LHFPL6: variants seen among roughly 807,000 people sequenced by gnomAD.
LHFPL6 encodes LHFPL tetraspan subfamily member 6.
LHFPL6 carries 9 observed loss-of-function variants against 20.6 expected under a neutral mutation model. That is an observed-to-expected ratio of 0.44 (90% CI 0.26 to 0.76). LHFPL6 has a LOEUF of 0.76. Among genes scored for constraint, LHFPL6 ranks in the 30% least tolerant of loss-of-function variants. The pLI is 0.20. For missense variants in LHFPL6, 218 were observed against 253.5 expected (o/e 0.86, Z 0.95); for synonymous variants, 105 against 98.7 (o/e 1.06, Z -0.38).
At chr13:39,374,130 G>A (rs1575520) in intron 3 of LHFPL6, among the ~76,000 whole-genome samples, 67,161 of 151,852 alleles carry the variant, frequency 0.44, 14,898 homozygotes, top group East Asian at 0.56. Context: ...TAACCTAGGT[G>A]TCCATCAATG....
intron 3 of LHFPL6, among the ~76,000 whole-genome samples, chr13:39,370,191 G>T (rs1195288224): frequency 6.6e-6 from 1 of 152,152 alleles, no homozygotes; most frequent in African/African-American, 2.4e-5. Flanking sequence ...TGTCATCACT[G>T]GCCAGGGTGG....
At chr13:39,400,782 CAAAAAAA>C (rs34833321) in intron 2 of LHFPL6, among the ~76,000 whole-genome samples, 23 of 53,494 alleles carry the variant, frequency 4.3e-4, no homozygotes, top group East Asian at 4.0e-3. Context: ...GACTCCGTCT[CAAAAAAA>C]AAAAAAAAAA....
intron 2 of LHFPL6, among the ~76,000 whole-genome samples, chr13:39,504,867 C>T (rs868163492): frequency 1.6e-4 from 25 of 152,060 alleles, no homozygotes; most frequent in African/African-American, 4.1e-4. Flanking sequence ...CTGCCAAAAC[C>T]GCAGAGGAAA....
chr13:39,452,730 A>C (rs1872483118), intron 2 of LHFPL6, among the ~76,000 whole-genome samples: 1 of 152,258 alleles, frequency 6.6e-6, no homozygotes, highest in Admixed American at 6.5e-5. Context: ...AGCTAAAGGA[A>C]GAGCCGCAAG....
intron 2 of LHFPL6, among the ~76,000 whole-genome samples, chr13:39,394,356 G>A (rs371676601): frequency 5.3e-5 from 8 of 152,266 alleles, no homozygotes; most frequent in Admixed American, 2.0e-4. Context: ...ACATTCTGAG[G>A]TACTGGGGAG....
At chr13:39,558,581 C>T (rs1397378705) in intron 2 of LHFPL6, among the ~76,000 whole-genome samples, 1 of 152,146 alleles carries the variant, frequency 6.6e-6, no homozygotes, top group African/African-American at 2.4e-5. Context: ...TACCAGATGA[C>T]ACGATGATGA....
chr13:39,355,872 C>G (rs1233895598), intron 3 of LHFPL6, among the ~76,000 whole-genome samples: 1 of 152,118 alleles, frequency 6.6e-6, no homozygotes, highest in Non-Finnish European at 1.5e-5. Context: ...CATTAGAGCA[C>G]CTCGATTAAT....
chr13:39,500,950 C>T (rs2018), intron 2 of LHFPL6, among the ~76,000 whole-genome samples: 47,202 of 151,946 alleles, frequency 0.31, 7,796 homozygotes, highest in Middle Eastern at 0.42. Context: ...TGGGCTCTAC[C>T]TCCACAATTT....
chr13:39,421,016 TGCTTTATCATTTCTGTTTTGCCAGGAAG>T (rs969760357), intron 2 of LHFPL6, among the ~76,000 whole-genome samples: 2 of 152,190 alleles, frequency 1.3e-5, no homozygotes, highest in Non-Finnish European at 2.9e-5. Flanking sequence ...AAAGGAGTTG[TGCTTTATCATTTCTGTTTTGCCAGGAAG>T]GCATTCTTAT....
chr13:39,390,107 A>T (rs1052041483), intron 2 of LHFPL6, among the ~76,000 whole-genome samples: 1 of 152,142 alleles, frequency 6.6e-6, no homozygotes. Context: ...TAAGGGTCTT[A>T]AGTAAATCAG....
intron 3 of LHFPL6, among the ~76,000 whole-genome samples, chr13:39,374,361 T>C (rs1217807525): frequency 6.6e-6 from 1 of 151,968 alleles, no homozygotes; most frequent in African/African-American, 2.4e-5. Context: ...TGGCCAACAA[T>C]AGACACTGGG....
intron 2 of LHFPL6, among the ~76,000 whole-genome samples, chr13:39,585,201 A>G (rs1872411190): frequency 6.6e-6 from 1 of 152,256 alleles, no homozygotes. Flanking sequence ...GAATACACAG[A>G]AACAACTAGG....
At chr13:39,529,982 C>T (rs1464203052) in intron 2 of LHFPL6, among the ~76,000 whole-genome samples, 1 of 152,172 alleles carries the variant, frequency 6.6e-6, no homozygotes, top group Non-Finnish European at 1.5e-5. Flanking sequence ...ATTAATTTAT[C>T]CAATCCAAAA....
intron 2 of LHFPL6, among the ~76,000 whole-genome samples, chr13:39,512,629 A>T (rs1042711929): frequency 6.6e-6 from 1 of 152,062 alleles, no homozygotes; most frequent in Non-Finnish European, 1.5e-5. Context: ...AAGAAAAAGA[A>T]ATCAGACCAA....
intron 2 of LHFPL6, among the ~76,000 whole-genome samples, chr13:39,424,925 T>A (rs1195938856): frequency 6.6e-6 from 1 of 152,160 alleles, no homozygotes; most frequent in African/African-American, 2.4e-5. Context: ...ACAAGCAACA[T>A]ATAATAAATG....
At chr13:39,585,220 G>A (rs1872411987) in intron 2 of LHFPL6, among the ~76,000 whole-genome samples, 1 of 152,202 alleles carries the variant, frequency 6.6e-6, no homozygotes, top group African/African-American at 2.4e-5. Flanking sequence ...GGAAATCCAT[G>A]CCTCATACAT....
At chr13:39,466,423 G>A (rs909129970) in intron 2 of LHFPL6, among the ~76,000 whole-genome samples, 1 of 152,182 alleles carries the variant, frequency 6.6e-6, no homozygotes, top group African/African-American at 2.4e-5. Flanking sequence ...CATGTTGTGA[G>A]AAAATCAGGG....
chr13:39,589,022 TG>T (rs1423634650), intron 2 of LHFPL6, among the ~76,000 whole-genome samples: 2 of 152,262 alleles, frequency 1.3e-5, no homozygotes, highest in Non-Finnish European at 2.9e-5. Flanking sequence ...AATTATTTAC[TG>T]AAGTGATAAG....
chr13:39,573,561 A>G (rs939062627), intron 2 of LHFPL6, among the ~76,000 whole-genome samples: 4 of 152,202 alleles, frequency 2.6e-5, no homozygotes, highest in African/African-American at 4.8e-5. Context: ...CTGAGCTTGA[A>G]GGTTAGAACT....
Sources: allele counts gnomAD v4.1 joint callset (sites outside exome capture counted in the v4.1 genomes callset), GRCh38; gene constraint gnomAD v4.1.1; transcripts MANE v1.5; gene names NCBI Gene and HGNC (gene_info 2026-07-23, HGNC 2026-07-21).